The following SHTN1 variants were observed in gnomAD, a reference collection of about 807,000 sequenced individuals.
SHTN1 encodes shootin 1, also known as shootin-1.
SHTN1 carries 42 observed loss-of-function variants against 83.1 expected under a neutral mutation model. That is an observed-to-expected ratio of 0.51 (90% CI 0.39 to 0.65). The LOEUF (loss-of-function observed/expected upper bound fraction) is 0.65, where lower values mean the gene tolerates loss of function less well. Among genes scored for constraint, SHTN1 ranks in the 30% least tolerant of loss-of-function variants. The pLI is 0.00. For missense variants in SHTN1, 622 were observed against 737.8 expected, an observed-to-expected ratio of 0.84 and a Z score of 1.82; for synonymous variants, 224 against 247.7, an observed-to-expected ratio of 0.90 and a Z score of 0.90.
At chr10:116,968,493 C>T (rs935080533) in intron 3 of SHTN1, among the ~76,000 whole-genome samples, 159 bp downstream of exon 3, 1 of 152,162 alleles carries the variant, frequency 6.6e-6, no homozygotes, top group Non-Finnish European at 1.5e-5. Flanking sequence ...TTCTTTAAAG[C>T]TTAAAGTGAT....
chr10:116,970,382 G>A lies in SHTN1; in HGVS notation c.112-1670C>T, dbSNP rs182346743. Among the ~76,000 whole-genome samples, 122 of 152,168 alleles carry A rather than the reference G, an allele frequency of 8.0e-4. 2 individuals are homozygous for A. The highest frequency in any genetic ancestry group is 6.5e-3 in the Admixed American group (100 of 15,282). On this transcript the variant is annotated intron_variant, in intron 2 of 16. Transcript: ENST00000355371. ...TTCATACACTATACTACAGAGCAGT[G>A]AAAATGAATAAAGCCGTATGTATCA...
chr10:117,015,033 G>A (rs1162425198), intron 2 of SHTN1, among the ~76,000 whole-genome samples: 1 of 152,146 alleles, frequency 6.6e-6, no homozygotes, highest in African/African-American at 2.4e-5. Flanking sequence ...TGGTTTTGTG[G>A]TTGGATTCAA....
At chr10:117,057,604 G>C (rs1852842983) in intron 1 of SHTN1, among the ~76,000 whole-genome samples, 2 of 152,102 alleles carry the variant, frequency 1.3e-5, no homozygotes, top group Admixed American at 1.3e-4. Context: ...TTAGGGGCTA[G>C]GACATTCAAA....
At chr10:117,106,333 T>C (rs1853669052) in intron 1 of SHTN1, among the ~76,000 whole-genome samples, 1 of 151,896 alleles carries the variant, frequency 6.6e-6, no homozygotes. Context: ...CGGGCACCTG[T>C]AGTCCCAGCT....
chr10:116,955,775 C>A (rs145743832), intron 4 of SHTN1, among the ~76,000 whole-genome samples: 2 of 152,164 alleles, frequency 1.3e-5, no homozygotes, highest in African/African-American at 4.8e-5. Flanking sequence ...ATGAACTCTT[C>A]CATGGATTCT....
chr10:116,938,599 T>C (rs1009732873), intron 9 of SHTN1, among the ~76,000 whole-genome samples: 1 of 152,204 alleles, frequency 6.6e-6, no homozygotes, highest in African/African-American at 2.4e-5. Flanking sequence ...GAGGTGTCTG[T>C]AGACCCCTGC....
intron 1 of SHTN1, among the ~76,000 whole-genome samples, chr10:117,086,804 A>G (rs1207183827): frequency 1.3e-5 from 2 of 152,246 alleles, no homozygotes; most frequent in African/African-American, 4.8e-5. Flanking sequence ...GTGGACAGCA[A>G]TGTTCACAGG....
intron 2 of SHTN1, among the ~76,000 whole-genome samples, chr10:117,029,701 C>T: frequency 6.6e-6 from 1 of 152,114 alleles, no homozygotes; most frequent in Non-Finnish European, 1.5e-5. Flanking sequence ...CCTGCTCCAG[C>T]CTTCTGAAGT....
intron 1 of SHTN1, among the ~76,000 whole-genome samples, chr10:117,071,434 G>T (rs1455903095): frequency 6.6e-6 from 1 of 152,180 alleles, no homozygotes; most frequent in African/African-American, 2.4e-5. Flanking sequence ...TACTCAATAA[G>T]TCAGCTCAGT....
chr10:116,905,061 C>A (rs1221238691), intron 15 of SHTN1, among the ~76,000 whole-genome samples: 1 of 151,434 alleles, frequency 6.6e-6, no homozygotes, highest in Non-Finnish European at 1.5e-5. Flanking sequence ...ATTAGCCGGG[C>A]GCGGTGGCGG....
Position 116,929,830 on chromosome 10 carries a change from G to T in SHTN1, c.1012+19C>A, listed in dbSNP as rs1192251641. The T allele has an allele frequency of 1.9e-6, 3 of 1,569,284 alleles. No individual in the cohort carries two copies. The highest frequency in any genetic ancestry group is 1.7e-6 in the Non-Finnish European group (2 of 1,154,990). The stretch of plus-strand genomic sequence containing the variant: ...CAAAGATTAATAGTAAGACATAGTA[G>T]CCTACTCAATGCTTTTACCAGAGTG... On this transcript the variant is annotated intron_variant, in intron 10 of 16. Transcript: ENST00000355371.
chr10:116,957,782 G>A (rs1850036103), intron 4 of SHTN1, among the ~76,000 whole-genome samples: 1 of 152,066 alleles, frequency 6.6e-6, no homozygotes, highest in African/African-American at 2.4e-5. Flanking sequence ...ATGAGGAACT[G>A]GGCGCAGTGG....
At chr10:117,018,379 T>A (rs1224946250) in intron 2 of SHTN1, among the ~76,000 whole-genome samples, 1 of 133,342 alleles carries the variant, frequency 7.5e-6, no homozygotes, top group Non-Finnish European at 1.6e-5. Flanking sequence ...ACCTGTAATA[T>A]CATCTCAATA....
intron 2 of SHTN1, among the ~76,000 whole-genome samples, chr10:117,042,942 G>A (rs951163413): frequency 1.2e-4 from 18 of 151,924 alleles, no homozygotes; most frequent in African/African-American, 3.6e-4. Flanking sequence ...AACTAATGTG[G>A]CATTAATAAA....
At position 116,997,308 on chromosome 10, in the gene SHTN1, A is replaced by T. The variant is rs1416507342; in HGVS notation, c.58+7714T>A. ...GTTCTTTGTTGAAGACAGTATGTTG[A>T]GCCACTGCTTATTTTTCTCCCTTGC... On this transcript the variant is annotated intron_variant, in intron 1 of 16. Transcript: ENST00000355371. Among the ~76,000 whole-genome samples, 5 of 152,330 alleles carry T rather than the reference A, an allele frequency of 3.3e-5. No homozygotes were observed. The Middle Eastern group carries it at 0.01, about 311-fold the overall frequency.
In SHTN1 at chr10:116,885,266, CATT is replaced by C. The variant is rs1470305573; in HGVS notation, c.*1075_*1077del. On this transcript the variant is annotated 3_prime_UTR_variant, in exon 17 of 17. Transcript: ENST00000355371. ...AATAGTAAAATTACCATTACTGAAT[CATT>C]GTCATAAAAAGTGCATTCAAGTACA... is the stretch of plus-strand genomic sequence containing the variant. 6.6e-6 allele frequency: 1 copy of C among 152,582 alleles called. No individual in the cohort carries two copies. The highest frequency in any genetic ancestry group is 2.4e-5 in the African/African-American group (1 of 41,426). The allele number at this position is 152,582 out of a possible 1,614,324, so 9.5% of individuals were successfully genotyped here.
chr10:117,070,690 A>T (rs933364364), intron 1 of SHTN1, among the ~76,000 whole-genome samples: 3 of 151,072 alleles, frequency 2.0e-5, no homozygotes. Flanking sequence ...GCATCCACTC[A>T]GGGTGCCACA....
Position 117,013,929 on chromosome 10 carries a change from TA to T in SHTN1, c.-123+34515del, listed in dbSNP as rs201518925. Among the ~76,000 whole-genome samples, 226 of 151,958 alleles carry T rather than the reference TA, an allele frequency of 1.5e-3. 2 individuals are homozygous for T. Among genetic ancestry groups the T allele is most frequent in the African/African-American group, 5.0e-3 (205 of 41,260 alleles). ...CCAAATATGTGTGTGTGTATATATA[TA>T]TTTTTTTTCCATAAAATGGAATATA... On this transcript the variant is annotated intron_variant, in intron 2 of 17. Transcript: ENST00000392901.
In SHTN1 at chr10:117,109,553, C is replaced by CTT. The variant is rs374713015; in HGVS notation, c.-189+16752_-189+16753dup. ...TTTCCAAAGGCATTAACATATATTA[C>CTT]TTTTTTTTTTTTTTTTTTTTTTTTT... On this transcript the variant is annotated intron_variant, in intron 1 of 17. Transcript: ENST00000392901. Among the ~76,000 whole-genome samples, 18 of 42,952 alleles carry CTT rather than the reference C, an allele frequency of 4.2e-4. 8 individuals are homozygous for CTT. The highest frequency in any genetic ancestry group is 1.9e-3 in the East Asian group (2 of 1,074). 28.2% of individuals were successfully genotyped at this position (42,952 alleles called of 152,430 possible).
Sources: allele counts gnomAD v4.1 joint callset (sites outside exome capture counted in the v4.1 genomes callset), GRCh38; gene constraint gnomAD v4.1.1; transcripts MANE v1.5; gene names NCBI Gene and HGNC (gene_info 2026-07-23, HGNC 2026-07-21).